TMEM35B: variants seen among roughly 807,000 people sequenced by gnomAD.
The protein encoded by TMEM35B is ZMYM6 neighbor protein.
TMEM35B carries 6 observed loss-of-function variants against 8.7 expected under a neutral mutation model. That is an observed-to-expected ratio of 0.69 (90% confidence interval 0.38 to 1.36). TMEM35B has a LOEUF of 1.36. TMEM35B is among the 40% of genes most tolerant of loss of function. The pLI, the probability that TMEM35B is intolerant of heterozygous loss-of-function variation, is 0.02. For missense variants in TMEM35B, 176 were observed against 181.6 expected (o/e 0.97, Z 0.18); for synonymous variants, 89 against 87.0 (o/e 1.02, Z -0.13).
chr1:34,983,708 G>A (rs951204006), intron 2 of TMEM35B, 59 bp downstream of exon 2: 6 of 1,367,340 alleles, frequency 4.4e-6, no homozygotes, highest in Non-Finnish European at 5.7e-6. Flanking sequence ...GAACAGCCAG[G>A]TCTTTCCATA....
Position 34,982,049 on chromosome 1 carries a change from C to T in TMEM35B, c.360G>A (p.Gly120=), listed in dbSNP as rs1466059192. The T allele has an allele frequency of 3.2e-6, 5 of 1,549,890 alleles. No individual in the cohort carries two copies. The South Asian group carries it at 6.0e-5, about 18-fold the overall frequency. Residue 120 remains glycine, a synonymous_variant, in exon 3 of 3, where the codon GGG becomes GGA. Coordinates refer to ENST00000373337, the Ensembl canonical transcript of TMEM35B. ...GGCCGACATTCAGCAGCAGCAGGAA[C>T]CCCAGGCAGACAATGGCTGGGATAC...
Position 34,983,757 on chromosome 1 carries a change from GC to G in TMEM35B, c.289+9del. 1.3e-6 allele frequency: 2 copies of G among 1,489,790 alleles called. No individual in the cohort carries two copies. Among genetic ancestry groups the G allele is most frequent in the Non-Finnish European group, 1.8e-6 (2 of 1,112,272 alleles). The allele number at this position is 1,489,790 out of a possible 1,614,324, so 92.3% of individuals were successfully genotyped here. ...AGACCCCATTTTCTCAGGCCAGTTGGCCCCCTTACCCATCATGAGCAGAATC... is the reference window on the plus strand; with the variant it reads ...AGACCCCATTTTCTCAGGCCAGTTGGCCCCTTACCCATCATGAGCAGAATC... On this transcript the variant is annotated intron_variant, in intron 2 of 2. Coordinates refer to ENST00000373337, the Ensembl canonical transcript of TMEM35B.
intron 1 of TMEM35B, among the ~76,000 whole-genome samples, chr1:34,984,271 CCA>C (rs1161224879): frequency 7.2e-5 from 11 of 152,300 alleles, no homozygotes; most frequent in African/African-American, 2.2e-4. Flanking sequence ...CTGGGGAATT[CCA>C]CAGTTTCCTT....
At chr1:34,984,576 C>T (rs894641883) in intron 1 of TMEM35B, among the ~76,000 whole-genome samples, 1 of 152,122 alleles carries the variant, frequency 6.6e-6, no homozygotes, top group Non-Finnish European at 1.5e-5. Context: ...TTTTGAGGGA[C>T]TGGGGAGATT....
rs747492102 is a variant in TMEM35B at position 34,985,231 on chromosome 1, C to G, written c.75G>C (p.Ser25=). ...CCGAAACTGGAGCCGAGATCTCCTC[C>G]GAGAGCTTGGCCAACCCCACGAGCG... The change falls in exon 1 of 3, where the codon TCG becomes TCC. Residue 25 remains serine, a synonymous_variant. Transcript: ENST00000373337. 1.6e-5 allele frequency: 25 copies of G among 1,545,262 alleles called. No homozygotes were observed. In the South Asian group the frequency reaches 2.2e-4, roughly 13 times the overall value.
chr1:34,985,218 C>T (rs1364106374), exon 1 of TMEM35B: 2 of 1,541,388 alleles, frequency 1.3e-6, no homozygotes, highest in Non-Finnish European at 1.7e-6. Flanking sequence ...GAAACTGGAG[C>T]CGAGATCTCC....
chr1:34,985,267 G>C (rs1213757262), exon 1 of TMEM35B: 1 of 1,544,272 alleles, frequency 6.5e-7, no homozygotes, highest in African/African-American at 1.4e-5. Flanking sequence ...CGAAGAAGCC[G>C]CCCAGCAGTA....
exon 2 of TMEM35B, chr1:34,983,936 G>T: frequency 2.0e-6 from 3 of 1,508,236 alleles, no homozygotes. Context: ...CAAACTGCAC[G>T]AACAGGGCAT....
exon 3 of TMEM35B, chr1:34,981,962 G>C (rs1167705350): frequency 1.3e-6 from 2 of 1,541,948 alleles, no homozygotes; most frequent in Non-Finnish European, 1.7e-6. Flanking sequence ...AGGATTCCTT[G>C]AATGTACTTA....
chr1:34,985,267 G>A, exon 1 of TMEM35B: 2 of 1,544,392 alleles, frequency 1.3e-6, no homozygotes, highest in Non-Finnish European at 1.7e-6. Context: ...CGAAGAAGCC[G>A]CCCAGCAGTA....
chr1:34,983,578 C>CAAAAAAAAAAAAAAAAAAAAA (rs1163962621), intron 2 of TMEM35B, among the ~76,000 whole-genome samples, 189 bp downstream of exon 2: 2 of 23,222 alleles, frequency 8.6e-5, no homozygotes, highest in African/African-American at 2.6e-4. Flanking sequence ...GACTCCATCT[C>CAAAAAAAAAAAAAAAAAAAAA]AAAAAAAAAA....
intron 1 of TMEM35B, 65 bp downstream of exon 1, chr1:34,985,133 G>T: frequency 7.8e-7 from 1 of 1,290,038 alleles, no homozygotes; most frequent in Non-Finnish European, 1.0e-6. Context: ...CGGGGGCGAG[G>T]AGCGGCAGGG....
At chr1:34,983,814 G>C (rs947339412) in exon 2 of TMEM35B, 1 of 1,543,230 alleles carries the variant, frequency 6.5e-7, no homozygotes, top group East Asian at 2.5e-5. Flanking sequence ...TTGCAGCATC[G>C]GTGGGCCCAT....
chr1:34,983,796 C>G (rs768108057), exon 2 of TMEM35B: 1 of 1,539,156 alleles, frequency 6.5e-7, no homozygotes, highest in Admixed American at 2.0e-5. Context: ...GAACAAGTTA[C>G]TGATCTCTTG....
At chr1:34,981,780 C>T (rs891466323) in exon 3 of TMEM35B, 3 of 539,990 alleles carry the variant, frequency 5.6e-6, no homozygotes, top group Non-Finnish European at 8.9e-6. Flanking sequence ...GTACTCCTCA[C>T]AAAAGAGTAG....
At chr1:34,983,628 A>G in intron 2 of TMEM35B, 139 bp downstream of exon 2, 1 of 534,118 alleles carries the variant, frequency 1.9e-6, no homozygotes, top group Non-Finnish European at 3.0e-6. Flanking sequence ...TTTGAAGACC[A>G]TGGAAACTGT....
intron 2 of TMEM35B, among the ~76,000 whole-genome samples, chr1:34,983,133 C>T (rs2148438153): frequency 6.6e-6 from 1 of 152,286 alleles, no homozygotes; most frequent in Admixed American, 6.5e-5. Context: ...CTCCTCCATC[C>T]CCTCATCCTA....
At chr1:34,985,207 C>T in exon 1 of TMEM35B, 1 of 1,537,832 alleles carries the variant, frequency 6.5e-7, no homozygotes, top group East Asian at 2.5e-5. Context: ...CCATCCGCTC[C>T]GAAACTGGAG....
intron 2 of TMEM35B, among the ~76,000 whole-genome samples, chr1:34,982,773 C>T (rs959505849): frequency 9.2e-5 from 14 of 152,130 alleles, no homozygotes; most frequent in Non-Finnish European, 2.1e-4. Flanking sequence ...CCGTGTCTGG[C>T]CCCTTCTCCT....
Sources: gnomAD v4.1 joint callset for allele counts (sites outside exome capture counted in the v4.1 genomes callset) on GRCh38, gnomAD v4.1.1 for gene constraint, MANE v1.5 for transcripts, NCBI Gene and HGNC (gene_info 2026-07-23, HGNC 2026-07-21) for gene names.